ADGRL3: variants seen among roughly 807,000 people sequenced by gnomAD.
ADGRL3 encodes the protein calcium-independent alpha-latrotoxin receptor 3.
A neutral mutation model predicts 153.5 loss-of-function variants in ADGRL3; 62 were observed. The ratio of observed to expected loss-of-function variants is 0.40; its 90% CI spans 0.33 to 0.50. ADGRL3 has a LOEUF of 0.50. Among genes scored for constraint, ADGRL3 ranks in the 20% least tolerant of loss-of-function variants. The probability of loss-of-function intolerance (pLI) is 0.47; values close to 1 mark genes in which losing one functional copy is unlikely to be tolerated. For synonymous variants in ADGRL3, 710 were observed against 672.5 expected (o/e 1.06, Z -0.86); for missense variants, 1,641 against 1,859.4 (o/e 0.88, Z 2.16).
At chr4:61,940,053 T>C (rs1405505023) in intron 15 of ADGRL3, among the ~76,000 whole-genome samples, 1 of 133,102 alleles carries the variant, frequency 7.5e-6, no homozygotes. Context: ...TAGCATTAGG[T>C]ATATCTCCCA....
At chr4:61,679,975 T>C (rs12233820) in intron 6 of ADGRL3, among the ~76,000 whole-genome samples, 53,719 of 151,852 alleles carry the variant, frequency 0.35, 9,998 homozygotes, top group East Asian at 0.53. Context: ...AAAGATGTTT[T>C]TGTCCTTTTT....
At chr4:61,292,063 G>A (rs1292877617) in intron 1 of ADGRL3, among the ~76,000 whole-genome samples, 2 of 151,200 alleles carry the variant, frequency 1.3e-5, no homozygotes, top group Non-Finnish European at 2.9e-5. Context: ...CAAATGAGAT[G>A]GAAACTGTGT....
intron 2 of ADGRL3, among the ~76,000 whole-genome samples, chr4:61,481,371 T>C (rs913007694): frequency 7.9e-5 from 12 of 152,126 alleles, no homozygotes; most frequent in African/African-American, 2.9e-4. Flanking sequence ...TCAGCCTCTT[T>C]ATAGGAAGAT....
chr4:61,649,832 C>CA, intron 5 of ADGRL3, among the ~76,000 whole-genome samples: 1 of 152,206 alleles, frequency 6.6e-6, no homozygotes, highest in Admixed American at 6.5e-5. Context: ...TATTGACCTG[C>CA]AAAAATGTGT....
intron 8 of ADGRL3, among the ~76,000 whole-genome samples, chr4:61,811,803 A>G (rs768527822): frequency 3.9e-5 from 6 of 152,102 alleles, no homozygotes; most frequent in Non-Finnish European, 7.4e-5. Context: ...TGTATTAACA[A>G]AGTACATAGT....
intron 25 of ADGRL3, among the ~76,000 whole-genome samples, chr4:62,059,187 T>C (rs1409689769): frequency 6.6e-6 from 1 of 152,216 alleles, no homozygotes; most frequent in Admixed American, 6.5e-5. Flanking sequence ...AAGTCCTGAA[T>C]AGTCATGGAA....
At chr4:61,296,970 A>G (rs1295905429) in intron 1 of ADGRL3, among the ~76,000 whole-genome samples, 7 of 152,178 alleles carry the variant, frequency 4.6e-5, no homozygotes, top group Non-Finnish European at 4.4e-5. Context: ...AACGGTCACT[A>G]TTTCAAAAGA....
intron 9 of ADGRL3, among the ~76,000 whole-genome samples, chr4:61,860,513 C>T (rs796518292): frequency 1.2e-4 from 19 of 152,024 alleles, no homozygotes; most frequent in African/African-American, 4.6e-4. Context: ...CTCTCTGGAT[C>T]GGTGTGGAGT....
chr4:61,253,030 T>C lies in ADGRL3; in HGVS notation c.-240+51265T>C, dbSNP rs143455158. Among the ~76,000 whole-genome samples, 359 of 152,324 alleles carry C rather than the reference T, an allele frequency of 2.4e-3. 1 individual carries two copies. Among genetic ancestry groups the C allele is most frequent in the African/African-American group, 7.7e-3 (320 of 41,572 alleles). ...ACTTATTTTCAGTCTAAGCCAGTTA[T>C]ATGAGTAGCTCTAATGGTTAACTTT... On this transcript the variant is annotated intron_variant, in intron 1 of 26. Coordinates refer to ENST00000683033, the MANE Select transcript of ADGRL3 (RefSeq NM_001387552.1).
chr4:61,935,827 A>G, intron 14 of ADGRL3, 96 bp from the exon 15 acceptor site: 1 of 1,055,100 alleles, frequency 9.5e-7, no homozygotes, highest in East Asian at 2.8e-5. Context: ...TAAGAATTCC[A>G]GTATTTTGAT....
intron 1 of ADGRL3, among the ~76,000 whole-genome samples, chr4:61,336,717 G>A (rs758496845): frequency 1.8e-4 from 28 of 151,990 alleles, no homozygotes; most frequent in Non-Finnish European, 3.4e-4. Context: ...AACATTCATG[G>A]TGGGTACATT....
At chr4:61,530,904 T>G (rs981149704) in intron 4 of ADGRL3, among the ~76,000 whole-genome samples, 1 of 152,180 alleles carries the variant, frequency 6.6e-6, no homozygotes, top group Admixed American at 6.5e-5. Context: ...TAATTATGGT[T>G]ATGTGTATGT....
chr4:61,443,668 A>T (rs2097550051), intron 2 of ADGRL3, among the ~76,000 whole-genome samples: 2 of 152,100 alleles, frequency 1.3e-5, no homozygotes. Context: ...AGCAGTATAC[A>T]ATCTATAACA....
intron 21 of ADGRL3, among the ~76,000 whole-genome samples, chr4:61,999,559 A>G (rs1433244511): frequency 6.6e-6 from 1 of 152,164 alleles, no homozygotes; most frequent in Non-Finnish European, 1.5e-5. Flanking sequence ...TACTTAAATG[A>G]ATGTATTTTC....
chr4:62,041,800 A>G (rs1325432867), intron 24 of ADGRL3, among the ~76,000 whole-genome samples: 6 of 151,982 alleles, frequency 3.9e-5, no homozygotes, highest in African/African-American at 1.4e-4. Flanking sequence ...TGTGCAATAT[A>G]CTATATACTT....
intron 8 of ADGRL3, among the ~76,000 whole-genome samples, chr4:61,759,032 T>C (rs1424519523): frequency 6.6e-6 from 1 of 152,144 alleles, no homozygotes; most frequent in Non-Finnish European, 1.5e-5. Context: ...GCTTGTAGAG[T>C]TTCTGCCGAG....
At chr4:61,930,671 A>T (rs1215511895) in intron 13 of ADGRL3, among the ~76,000 whole-genome samples, 1 of 152,170 alleles carries the variant, frequency 6.6e-6, no homozygotes, top group East Asian at 1.9e-4. Context: ...ATTAAAAAAT[A>T]ATGCAAATGT....
At chr4:61,667,166 T>G (rs2094829044) in intron 5 of ADGRL3, among the ~76,000 whole-genome samples, 1 of 152,200 alleles carries the variant, frequency 6.6e-6, no homozygotes, top group Non-Finnish European at 1.5e-5. Flanking sequence ...TATGATAATT[T>G]GTTTTATCAA....
At position 61,509,870 on chromosome 4, in the gene ADGRL3, TAGCATTTCCACCAACAGTATGTA is replaced by T. The variant is rs1256342101; in HGVS notation, c.56-7439_56-7417del. ...TGCTTTCCACAGCAGCTGAACTGAC[TAGCATTTCCACCAACAGTATGTA>T]AGCATCCCTTTTACTCCATAGCCTT... On this transcript the variant is annotated intron_variant, in intron 3 of 26. Coordinates refer to ENST00000683033, the MANE Select transcript of ADGRL3 (RefSeq NM_001387552.1). Among the ~76,000 whole-genome samples, 3 of 152,200 alleles carry T rather than the reference TAGCATTTCCACCAACAGTATGTA, an allele frequency of 2.0e-5. No homozygotes were observed. The East Asian group carries it at 5.8e-4, about 29-fold the overall frequency.
Sources: gnomAD v4.1 joint callset for allele counts (sites outside exome capture counted in the v4.1 genomes callset) on GRCh38, gnomAD v4.1.1 for gene constraint, MANE v1.5 for transcripts, NCBI Gene and HGNC (gene_info 2026-07-23, HGNC 2026-07-21) for gene names.